The following PDE5A variants were observed in gnomAD, a reference collection of about 807,000 sequenced individuals.
PDE5A encodes phosphodiesterase 5A, also known as cGMP-specific 3',5'-cyclic phosphodiesterase.
Under a neutral mutation model 110.2 loss-of-function variants are expected in PDE5A, and 67 were observed. That is an observed-to-expected ratio of 0.61 (90% CI 0.50 to 0.75). PDE5A has a LOEUF of 0.75. Among genes scored for constraint, PDE5A ranks in the 30% least tolerant of loss-of-function variants. PDE5A has a pLI of 0.00. For missense variants in PDE5A, 862 were observed against 1,045.1 expected (o/e 0.82, Z 2.42); for synonymous variants, 328 against 351.2 (o/e 0.93, Z 0.74).
intron 19 of PDE5A, among the ~76,000 whole-genome samples, chr4:119,502,097 T>A (rs1725365148): frequency 6.6e-6 from 1 of 152,140 alleles, no homozygotes; most frequent in Admixed American, 6.6e-5. Flanking sequence ...TTTCTTTTGG[T>A]ATCTCTCCTT....
intron 1 of PDE5A, among the ~76,000 whole-genome samples, chr4:119,618,514 C>T (rs1486121401): frequency 6.6e-6 from 1 of 151,896 alleles, no homozygotes; most frequent in African/African-American, 2.4e-5. Context: ...TCTACACTTA[C>T]ATATAACAAA....
intron 6 of PDE5A, 45 bp from the exon 7 acceptor site, chr4:119,560,408 A>G: frequency 7.8e-7 from 1 of 1,277,886 alleles, no homozygotes; most frequent in Non-Finnish European, 1.1e-6. Context: ...TGACAAGGTA[A>G]TGAAAACTAT....
At chr4:119,517,762 CTAA>C (rs1725967975) in intron 14 of PDE5A, among the ~76,000 whole-genome samples, 3 of 151,626 alleles carry the variant, frequency 2.0e-5, no homozygotes, top group African/African-American at 7.3e-5. Flanking sequence ...AATACACATA[CTAA>C]TAATATTATG....
chr4:119,618,066 T>C (rs574118668), intron 1 of PDE5A, among the ~76,000 whole-genome samples: 67 of 152,274 alleles, frequency 4.4e-4, no homozygotes, highest in African/African-American at 1.6e-3. Flanking sequence ...ACTTTCAGTA[T>C]AGCACAGTGA....
Position 119,628,599 on chromosome 4 carries a change from T to TCTG in PDE5A, c.70_72dup (p.Gln24dup). The TCTG allele has an allele frequency of 6.2e-7, 1 of 1,613,858 alleles. No homozygotes were observed. On this transcript the variant is annotated inframe_insertion, in exon 1 of 21. Coordinates refer to ENST00000354960, the MANE Select transcript of PDE5A (RefSeq NM_001083.4). Reference sequence around the variant, plus strand: ...CATGCTTCGACCGAGTCCTGATCCCTCTGCTGCTGCTTCTGCTGCTGGGGC... The same window carrying TCTG: ...CATGCTTCGACCGAGTCCTGATCCCTCTGCTGCTGCTGCTTCTGCTGCTGGGGC...
intron 14 of PDE5A, 34 bp from the exon 15 acceptor site, chr4:119,511,168 TCAGTTTCCTTAATATGC>T (rs751495692): frequency 1.2e-5 from 16 of 1,358,638 alleles, no homozygotes; most frequent in Non-Finnish European, 1.7e-5. Flanking sequence ...GGAAAAAAGA[TCAGTTTCCTTAATATGC>T]CATTTATCAG....
chr4:119,507,901 T>C (rs554069760), intron 15 of PDE5A, among the ~76,000 whole-genome samples, 197 bp from the exon 16 acceptor site: 1 of 152,090 alleles, frequency 6.6e-6, no homozygotes, highest in African/African-American at 2.4e-5. Flanking sequence ...AACCGCTTCA[T>C]AATGCTTCAT....
chr4:119,547,265 A>G (rs1727165246), intron 9 of PDE5A, among the ~76,000 whole-genome samples: 1 of 151,910 alleles, frequency 6.6e-6, no homozygotes, highest in Admixed American at 6.6e-5. Flanking sequence ...AATATCAAGT[A>G]TCTTTTAAAA....
intron 1 of PDE5A, among the ~76,000 whole-genome samples, chr4:119,607,565 T>C (rs540716198): frequency 7.9e-5 from 12 of 152,188 alleles, no homozygotes; most frequent in African/African-American, 2.6e-4. Context: ...AGTGAGACCC[T>C]GTCTCTAGGA....
At chr4:119,530,617 T>C (rs1404397462) in intron 11 of PDE5A, among the ~76,000 whole-genome samples, 1 of 152,168 alleles carries the variant, frequency 6.6e-6, no homozygotes, top group African/African-American at 2.4e-5. Flanking sequence ...ACAAATTGTA[T>C]AATTATCTTA....
chr4:119,510,325 C>T (rs1725693295), intron 15 of PDE5A, among the ~76,000 whole-genome samples: 1 of 152,012 alleles, frequency 6.6e-6, no homozygotes, highest in Non-Finnish European at 1.5e-5. Context: ...ACTGAGTAAA[C>T]TTAGCAATAT....
At chr4:119,605,161 C>T (rs866021371) in intron 2 of PDE5A, among the ~76,000 whole-genome samples, 10 of 152,274 alleles carry the variant, frequency 6.6e-5, no homozygotes, top group Middle Eastern at 3.4e-3. Context: ...GCCTGGCATT[C>T]AAGACCTCTA....
intron 3 of PDE5A, among the ~76,000 whole-genome samples, chr4:119,580,238 C>T (rs1032995123): frequency 9.2e-5 from 14 of 152,140 alleles, no homozygotes; most frequent in African/African-American, 3.4e-4. Flanking sequence ...CTCTCTGCCA[C>T]ACTAGCTTTT....
At chr4:119,557,352 G>A (rs1321033801) in intron 7 of PDE5A, among the ~76,000 whole-genome samples, 1 of 152,008 alleles carries the variant, frequency 6.6e-6, no homozygotes. Flanking sequence ...GTTCTCACAG[G>A]GTGTTTTCTC....
rs1730102298 is a variant in PDE5A at position 119,620,402 on chromosome 4, T to C, written c.152+8118A>G. Among the ~76,000 whole-genome samples the C allele has an allele frequency of 2.0e-5, 3 of 152,156 alleles. No individual in the cohort carries two copies. In the South Asian group the frequency reaches 6.2e-4, roughly 31 times the overall value. ...TTTTAACTTCAAATTTGACTGAGAA[T>C]TGGAAGGGACAAAATATTTTGTAAT... On this transcript the variant is annotated intron_variant, in intron 1 of 20. Transcript: ENST00000354960.
At chr4:119,569,945 G>A (rs1039193225) in intron 3 of PDE5A, 3 of 152,130 alleles carry the variant, frequency 2.0e-5, no homozygotes, top group Admixed American at 1.3e-4. Context: ...TTGGTATGAG[G>A]GGATGGAGTG....
chr4:119,518,593 A>G (rs1271753054), intron 14 of PDE5A, among the ~76,000 whole-genome samples: 2 of 152,206 alleles, frequency 1.3e-5, no homozygotes, highest in East Asian at 3.8e-4. Context: ...GTATAGAGAA[A>G]TTAGACAGAG....
At chr4:119,594,628 C>T (rs1377695498) in intron 3 of PDE5A, among the ~76,000 whole-genome samples, 5 of 152,114 alleles carry the variant, frequency 3.3e-5, no homozygotes, top group African/African-American at 1.2e-4. Flanking sequence ...CCATGTATGG[C>T]CTTTTCAATT....
chr4:119,515,674 A>G (rs1032206069), intron 14 of PDE5A, among the ~76,000 whole-genome samples: 5 of 150,116 alleles, frequency 3.3e-5, no homozygotes, highest in East Asian at 2.0e-4. Context: ...ACCAGAAGTC[A>G]TATCTCCTTC....
Sources: allele counts gnomAD v4.1 joint callset (sites outside exome capture counted in the v4.1 genomes callset), GRCh38; gene constraint gnomAD v4.1.1; transcripts MANE v1.5; gene names NCBI Gene and HGNC (gene_info 2026-07-23, HGNC 2026-07-21).